Variants in TPPP observed in about 807,000 individuals in gnomAD.
The protein encoded by TPPP is tubulin polymerization promoting protein, also known as tubulin polymerization-promoting protein.
TPPP carries 6 observed loss-of-function variants against 15.5 expected under a neutral mutation model. That is an observed-to-expected ratio of 0.39 (90% CI 0.21 to 0.77). The LOEUF is 0.77. Ranked by LOEUF, TPPP falls within the 30% of genes least tolerant of loss-of-function variation. The pLI is 0.42. For synonymous variants in TPPP, 146 were observed against 133.9 expected, an observed-to-expected ratio of 1.09 and a Z score of -0.63; for missense variants, 269 against 307.2, an observed-to-expected ratio of 0.88 and a Z score of 0.93.
At chr5:680,747 G>A (rs940318961) in intron 1 of TPPP, among the ~76,000 whole-genome samples, 3 of 152,010 alleles carry the variant, frequency 2.0e-5, no homozygotes, top group Non-Finnish European at 2.9e-5. Flanking sequence ...GTGGGGACTC[G>A]CCTCAGAGCC....
chr5:671,689 C>A (rs535905797), intron 2 of TPPP, among the ~76,000 whole-genome samples: 1 of 152,212 alleles, frequency 6.6e-6, no homozygotes, highest in Non-Finnish European at 1.5e-5. Flanking sequence ...CCACAGACGT[C>A]CATGGCCAAG....
At chr5:697,049 T>C (rs1387049748), upstream of TPPP, among the ~76,000 whole-genome samples, 4 of 144,362 alleles carry the variant, frequency 2.8e-5, no homozygotes, top group Non-Finnish European at 6.2e-5. Flanking sequence ...TGTGTGCATG[T>C]GTGTGTGTTT....
intron 2 of TPPP, among the ~76,000 whole-genome samples, chr5:675,584 AGGGGTGCAGCATG>A: frequency 1.5e-5 from 1 of 67,796 alleles, no homozygotes; most frequent in East Asian, 4.0e-4. Flanking sequence ...CGGTGTGGCC[AGGGGTGCAGCATG>A]GGGGGTACAG....
At chr5:668,375 C>T (rs1349989049) in intron 2 of TPPP, among the ~76,000 whole-genome samples, 8 of 102,178 alleles carry the variant, frequency 7.8e-5, no homozygotes, top group African/African-American at 1.7e-4. Context: ...GAGAGGGGTC[C>T]GCGTGGGCCT....
chr5:684,532 A>G (rs1239314691), intron 1 of TPPP, among the ~76,000 whole-genome samples: 1 of 151,916 alleles, frequency 6.6e-6, no homozygotes. Flanking sequence ...CAGCGGAAGG[A>G]GTGGACAGAG....
At chr5:676,771 G>A (rs960188548) in intron 2 of TPPP, among the ~76,000 whole-genome samples, 2 of 152,200 alleles carry the variant, frequency 1.3e-5, no homozygotes, top group Non-Finnish European at 1.5e-5. Flanking sequence ...GGCAACAGAC[G>A]TGTGCACACA....
At chr5:688,593 G>T (rs11952995) in intron 1 of TPPP, among the ~76,000 whole-genome samples, 1,991 of 150,892 alleles carry the variant, frequency 0.013, no homozygotes, top group African/African-American at 0.045. Flanking sequence ...AGAACTGCAG[G>T]TGGACTGTGC....
chr5:680,736 C>G (rs1398381529), intron 1 of TPPP, among the ~76,000 whole-genome samples: 1 of 151,936 alleles, frequency 6.6e-6, no homozygotes, highest in Non-Finnish European at 1.5e-5. Flanking sequence ...AGGGGTCTCA[C>G]GTGGGGACTC....
At position 681,319 on chromosome 5, in the gene TPPP, G is replaced by T. The variant is rs375058323; in HGVS notation, c.-4-3255C>A. Among the ~76,000 whole-genome samples the T allele has an allele frequency of 2.6e-3, 395 of 152,276 alleles. 3 individuals are homozygous for T. The highest frequency in any genetic ancestry group is 0.014 in the South Asian group (66 of 4,824). On this transcript the variant is annotated intron_variant, in intron 1 of 3. Coordinates refer to ENST00000360578, the MANE Select transcript of TPPP (RefSeq NM_007030.3). ...CCAGGAAGACAAACTGCTCACCTGGGGTCAAAGGACAAGCTCCCAGGCGTG... is the reference window on the plus strand; with the variant it reads ...CCAGGAAGACAAACTGCTCACCTGGTGTCAAAGGACAAGCTCCCAGGCGTG...
intron 1 of TPPP, among the ~76,000 whole-genome samples, chr5:684,889 A>T (rs1011049323): frequency 6.6e-6 from 1 of 152,198 alleles, no homozygotes; most frequent in Non-Finnish European, 1.5e-5. Flanking sequence ...GTCTGTGCAC[A>T]TCCCCCTGCA....
rs1367552964 is a variant in TPPP at position 688,869 on chromosome 5, C to T, written c.-5+4409G>A. On this transcript the variant is annotated intron_variant, in intron 1 of 3. Transcript: ENST00000360578. ...GACGCCCCAGATGCAGCCACGGTGG[C>T]CAGGTCACCTGCGAGATGCCATGGG... Among the ~76,000 whole-genome samples, 4 of 122,382 alleles carry T rather than the reference C, an allele frequency of 3.3e-5. 1 individual carries two copies. The allele number at this position is 122,382 out of a possible 152,430, so 80.3% of individuals were successfully genotyped here. A position where few individuals can be genotyped will look rare whatever the true frequency, so the allele number is the denominator to read the frequency against.
At chr5:673,238 G>A (rs559673042) in intron 2 of TPPP, among the ~76,000 whole-genome samples, 16 of 152,306 alleles carry the variant, frequency 1.1e-4, no homozygotes, top group Non-Finnish European at 1.8e-4. Flanking sequence ...CCAACGCCTC[G>A]TGGTGGCCCT....
upstream of TPPP, among the ~76,000 whole-genome samples, chr5:693,976 C>T (rs1386167126): frequency 6.8e-6 from 1 of 147,072 alleles, no homozygotes; most frequent in African/African-American, 2.5e-5. Context: ...GGGTCCGTGC[C>T]GGGCGCCCAG....
chr5:685,280 A>G (rs6886251), intron 1 of TPPP, among the ~76,000 whole-genome samples: 34,666 of 152,218 alleles, frequency 0.23, 8,623 homozygotes, highest in African/African-American at 0.62. Flanking sequence ...GGGACCCTGA[A>G]GGCCAGAGCC....
intron 1 of TPPP, among the ~76,000 whole-genome samples, chr5:682,256 A>G (rs945109359): frequency 2.8e-5 from 4 of 144,146 alleles, no homozygotes. Flanking sequence ...GGGCTCTGTC[A>G]CTAGGAACAG....
chr5:667,413 AAACT>A (rs1215290711), intron 2 of TPPP, among the ~76,000 whole-genome samples: 3 of 152,306 alleles, frequency 2.0e-5, no homozygotes, highest in South Asian at 2.1e-4. Flanking sequence ...ACTATATACA[AAACT>A]AACTCAAAAT....
rs1172528994 is a variant in TPPP at position 661,302 on chromosome 5, C to G, written c.*3800G>C. 2 of 152,726 alleles carry G rather than the reference C, an allele frequency of 1.3e-5. No individual in the cohort carries two copies. The highest frequency in any genetic ancestry group is 4.9e-5 in the African/African-American group (2 of 40,864). The allele number at this position is 152,726 out of a possible 1,614,324, so 9.5% of individuals were successfully genotyped here. On this transcript the variant is annotated 3_prime_UTR_variant, in exon 4 of 4. Coordinates refer to ENST00000360578, the MANE Select transcript of TPPP (RefSeq NM_007030.3). The stretch of plus-strand genomic sequence containing the variant: ...GTGTCACCCCCGACAGAACCTGTCC[C>G]TGTCTCCTCTTGTCACCCCCAACAG...
rs1350391068 is a variant in TPPP, at chr5:662,424, C to T, written c.*2678G>A. 3 of 152,446 alleles carry T rather than the reference C, an allele frequency of 2.0e-5. No homozygotes were observed. The highest frequency in any genetic ancestry group is 7.2e-5 in the African/African-American group (3 of 41,470). The allele number at this position is 152,446 out of a possible 1,614,324, so 9.4% of individuals were successfully genotyped here. ...CAGCGTCCTGGTGCCCAGCACCTCT[C>T]CTCAGTGTCCCTCGTCCCCACAGAC... On this transcript the variant is annotated 3_prime_UTR_variant, in exon 4 of 4. Transcript: ENST00000360578.
chr5:699,592 T>C, the TPPP span, among the ~76,000 whole-genome samples: 170 of 151,668 alleles, frequency 1.1e-3, no homozygotes, highest in African/African-American at 2.8e-3. Context: ...TCAAGAGCAA[T>C]TGCAACAAAA....
Sources: gnomAD v4.1 joint callset for allele counts (sites outside exome capture counted in the v4.1 genomes callset) on GRCh38, gnomAD v4.1.1 for gene constraint, MANE v1.5 for transcripts, NCBI Gene and HGNC (gene_info 2026-07-23, HGNC 2026-07-21) for gene names.